The following ARHGEF17 variants were observed in gnomAD, a reference collection of about 807,000 sequenced individuals.
ARHGEF17 encodes the protein Rho guanine nucleotide exchange factor 17, also known as 164 kDa Rho-specific guanine-nucleotide exchange factor.
Under a neutral mutation model 174.0 loss-of-function variants are expected in ARHGEF17, and 80 were observed. The observed-to-expected ratio is 0.46, with a 90% CI of 0.38 to 0.55. The LOEUF is 0.55. Ranked by LOEUF, ARHGEF17 falls within the 20% of genes least tolerant of loss-of-function variation. The pLI is 0.00. For synonymous variants in ARHGEF17, 1,311 were observed against 1,189.1 expected (o/e 1.10, Z -2.11); for missense variants, 2,886 against 2,839.7 (o/e 1.02, Z -0.37).
At chr11:73,332,592 C>T (rs1248403487) in intron 1 of ARHGEF17, among the ~76,000 whole-genome samples, 2 of 152,050 alleles carry the variant, frequency 1.3e-5, no homozygotes, top group African/African-American at 2.4e-5. Flanking sequence ...GCTGAGTGGG[C>T]GAGTGGGCGT....
intron 1 of ARHGEF17, among the ~76,000 whole-genome samples, chr11:73,328,593 G>C (rs1865141234): frequency 6.6e-6 from 1 of 152,216 alleles, no homozygotes; most frequent in Non-Finnish European, 1.5e-5. Context: ...ATGTGATTTG[G>C]GCAGGGAGGG....
chr11:73,344,532 G>T (rs1165790604), intron 1 of ARHGEF17, among the ~76,000 whole-genome samples: 1 of 152,238 alleles, frequency 6.6e-6, no homozygotes, highest in African/African-American at 2.4e-5. Flanking sequence ...ATGGGCCGTT[G>T]TGTGGGCGGG....
At chr11:73,330,248 A>C (rs1043154759) in intron 1 of ARHGEF17, among the ~76,000 whole-genome samples, 3 of 152,194 alleles carry the variant, frequency 2.0e-5, no homozygotes, top group Non-Finnish European at 2.9e-5. Flanking sequence ...TATTTTTACT[A>C]TGCAGAAGGT....
intron 1 of ARHGEF17, among the ~76,000 whole-genome samples, chr11:73,341,482 T>A (rs988120865): frequency 1.4e-5 from 2 of 147,464 alleles, no homozygotes; most frequent in Non-Finnish European, 3.0e-5. Context: ...AATTTTGTAT[T>A]TTTTTTTTTA....
At chr11:73,315,939 C>T (rs144443127) in intron 1 of ARHGEF17, among the ~76,000 whole-genome samples, 2 of 151,718 alleles carry the variant, frequency 1.3e-5, no homozygotes, top group African/African-American at 4.8e-5. Context: ...TTCCCTCCCA[C>T]CCTCCCATCT....
chr11:73,343,794 C>A (rs1865415746), intron 1 of ARHGEF17, among the ~76,000 whole-genome samples: 1 of 152,164 alleles, frequency 6.6e-6, no homozygotes, highest in African/African-American at 2.4e-5. Context: ...CTTTGTGTGT[C>A]TCTGGGCCTG....
chr11:73,311,876 A>G (rs1005714876), intron 1 of ARHGEF17, 46 bp downstream of exon 1: 3 of 1,544,462 alleles, frequency 1.9e-6, no homozygotes, highest in Non-Finnish European at 2.6e-6. Flanking sequence ...AAGAAGGGCC[A>G]TGGGCACCGA....
chr11:73,366,040 A>C, intron 20 of ARHGEF17, 93 bp downstream of exon 20: 1 of 1,485,072 alleles, frequency 6.7e-7, no homozygotes, highest in Non-Finnish European at 9.1e-7. Flanking sequence ...AAGAGGGAGG[A>C]AAAGTGTCAC....
In ARHGEF17 at chr11:73,308,668, T is replaced by G; in HGVS notation, c.30T>G (p.Leu10=). 6.6e-7 allele frequency: 1 copy of G among 1,517,348 alleles called. No individual in the cohort carries two copies. Among genetic ancestry groups the G allele is most frequent in the Non-Finnish European group, 8.8e-7 (1 of 1,135,994 alleles). 94.0% of individuals were successfully genotyped at this position (1,517,348 alleles called of 1,614,324 possible). A position where few individuals can be genotyped will look rare whatever the true frequency, so the allele number is the denominator to read the frequency against. Residue 10 remains leucine (L), a synonymous_variant, in exon 1 of 21, where the codon CTT becomes CTG. Coordinates refer to ENST00000263674, the MANE Select transcript of ARHGEF17 (RefSeq NM_014786.4). The part of the protein sequence containing the change: MADGAPRPQ[L]YRSVSFKLLE... ...CGGACGGGGCACCCCGGCCCCAGCT[T>G]TACCGCAGCGTCTCGTTCAAGCTGC... is the stretch of plus-strand genomic sequence containing the variant.
intron 15 of ARHGEF17, 106 bp from the exon 16 acceptor site, chr11:73,363,641 G>A: frequency 1.3e-6 from 2 of 1,515,882 alleles, no homozygotes; most frequent in Non-Finnish European, 1.8e-6. Context: ...CCTTGGGCAG[G>A]CACCCAGCAT....
chr11:73,365,540 C>T lies in ARHGEF17; in HGVS notation c.5701C>T (p.Pro1901Ser). The T allele has an allele frequency of 6.2e-7, 1 of 1,614,130 alleles. No individual in the cohort carries two copies. Among genetic ancestry groups the T allele is most frequent in the East Asian group, 2.2e-5 (1 of 44,882 alleles). Residue 1901 changes from proline (P) to serine (S), a missense_variant, in exon 19 of 21, where the codon CCT (proline) becomes TCT (serine). Physicochemically the swap from Pro to Ser is moderately conservative, Grantham distance 74. Transcript: ENST00000263674. This position sits in a 1 kb window ranked among gnomAD's most constrained non-coding sequence, Gnocchi z 4.9. ...FEQLAEVDVT[P>S]PVHRMLAGSD... Reference sequence around the variant, plus strand: ...GCAGCTGGCAGAAGTAGACGTCACTCCTCCCGTGCACAGGATGCTGGCAGG... The same window carrying T: ...GCAGCTGGCAGAAGTAGACGTCACTTCTCCCGTGCACAGGATGCTGGCAGG...
intron 16 of ARHGEF17, 48 bp from the exon 17 acceptor site, chr11:73,364,124 A>C (rs1222432197): frequency 1.9e-6 from 3 of 1,600,192 alleles, no homozygotes; most frequent in Non-Finnish European, 1.7e-6. Flanking sequence ...TGGGTGACCC[A>C]CTTTGGCTGC....
chr11:73,360,831 G>T (rs1042568500), intron 11 of ARHGEF17, among the ~76,000 whole-genome samples: 6 of 152,236 alleles, frequency 3.9e-5, no homozygotes. Context: ...GAGCAGGGCT[G>T]GATCAGGGAA....
In ARHGEF17 at chr11:73,309,494, G is replaced by A. The variant is rs767459889; in HGVS notation, c.856G>A (p.Gly286Ser). The change falls in exon 1 of 21, where the codon GGC (glycine) becomes AGC (serine). Residue 286 changes from glycine to serine, a missense_variant. Physicochemically the swap from Gly to Ser is moderately conservative, Grantham distance 56 (BLOSUM62 0). Coordinates refer to ENST00000263674, the MANE Select transcript of ARHGEF17 (RefSeq NM_014786.4). ...TGACGACGACCGAGACGGTGAGGGC[G>A]GCCACCGCTGGGGAGGGAGGCCCGG... ...GSDDDRDGEG[G>S]HRWGGRPGLR... The A allele has an allele frequency of 6.5e-7, 1 of 1,549,036 alleles. No homozygotes were observed. The highest frequency in any genetic ancestry group is 1.2e-5 in the South Asian group (1 of 83,386).
intron 15 of ARHGEF17, 44 bp from the exon 16 acceptor site, chr11:73,363,703 G>GGT: frequency 1.2e-6 from 2 of 1,606,658 alleles, no homozygotes; most frequent in Non-Finnish European, 1.7e-6. Flanking sequence ...CCAGGGGCTG[G>GGT]TGTGCCCCAA....
At chr11:73,363,070 C>G (rs1565210136) in intron 14 of ARHGEF17, 136 bp from the exon 15 acceptor site, 1 of 1,245,108 alleles carries the variant, frequency 8.0e-7, no homozygotes, top group Non-Finnish European at 1.1e-6. Flanking sequence ...GGGCAGCAGA[C>G]CGGAGCAGGC....
Position 73,308,910 on chromosome 11 carries a change from C to A in ARHGEF17, c.272C>A (p.Ala91Glu). Residue 91 changes from alanine to glutamate, a missense_variant, in exon 1 of 21, where the codon GCG becomes GAG. By Grantham distance (107) the Ala-to-Glu change is moderately radical. Coordinates refer to ENST00000263674, the MANE Select transcript of ARHGEF17 (RefSeq NM_014786.4). ...CGCCAGCTCTCCCGGCGCTTCGACG[C>A]GCCGCGTCTGGACGACGGCTCCGCT... ...SVRQLSRRFDAPRLDDGSAGT... is the reference protein window; with the variant it reads ...SVRQLSRRFDEPRLDDGSAGT... 1 of 1,365,444 alleles carries A rather than the reference C, an allele frequency of 7.3e-7. No individual in the cohort carries two copies. Among genetic ancestry groups the A allele is most frequent in the Non-Finnish European group, 9.4e-7 (1 of 1,065,624 alleles). 84.6% of individuals were successfully genotyped at this position (1,365,444 alleles called of 1,614,324 possible). A position where few individuals can be genotyped will look rare whatever the true frequency, so the allele number is the denominator to read the frequency against.
In ARHGEF17 at chr11:73,315,541, A is replaced by AT. The variant is rs143742213; in HGVS notation, c.3192+3716dup. On this transcript the variant is annotated intron_variant, in intron 1 of 20. Coordinates refer to ENST00000263674, the MANE Select transcript of ARHGEF17 (RefSeq NM_014786.4). ...CTTCCCCTCCTTGGCTCTTTGTGTGATTTTTCCATGGAAACTGGTTCTGGG... is the reference window on the plus strand; with the variant it reads ...CTTCCCCTCCTTGGCTCTTTGTGTGATTTTTTCCATGGAAACTGGTTCTGGG... Among the ~76,000 whole-genome samples, 10 of 151,894 alleles carry AT rather than the reference A, an allele frequency of 6.6e-5. No individual in the cohort carries two copies. The East Asian group carries it at 1.9e-3, about 29-fold the overall frequency.
chr11:73,344,289 G>A (rs1417639347), intron 1 of ARHGEF17, among the ~76,000 whole-genome samples: 2 of 152,252 alleles, frequency 1.3e-5, no homozygotes, highest in African/African-American at 2.4e-5. Flanking sequence ...TGGTGGGCAC[G>A]TGTAGAGGGC....
Sources: allele counts gnomAD v4.1 joint callset (sites outside exome capture counted in the v4.1 genomes callset), GRCh38; gene constraint gnomAD v4.1.1; non-coding constraint Gnocchi (gnomAD v3.1); transcripts MANE v1.5; gene names NCBI Gene and HGNC (gene_info 2026-07-23, HGNC 2026-07-21).